TEKT1: variants seen among roughly 807,000 people sequenced by gnomAD.
TEKT1 encodes the protein tektin 1.
A neutral mutation model predicts 34.8 loss-of-function variants in TEKT1; 32 were observed. The ratio of observed to expected loss-of-function variants is 0.92; its 90% confidence interval spans 0.69 to 1.23. The LOEUF (loss-of-function observed/expected upper bound fraction) is 1.23. TEKT1 is among the 50% of genes most tolerant of loss of function. TEKT1 has a pLI of 0.00. For missense variants in TEKT1, 492 were observed against 518.5 expected (o/e 0.95, Z 0.50); for synonymous variants, 207 against 199.8 (o/e 1.04, Z -0.30).
chr17:6,815,857 C>A lies in TEKT1; in HGVS notation c.462G>T (p.Leu154Phe), dbSNP rs1463468087. The A allele has an allele frequency of 1.9e-6, 3 of 1,614,212 alleles. No individual in the cohort carries two copies. The highest frequency in any genetic ancestry group is 2.5e-6 in the Non-Finnish European group (3 of 1,180,036). Residue 154 changes from leucine to phenylalanine, a missense_variant, in exon 4 of 8, where the codon TTG becomes TTT. Leu to Phe is a conservative substitution (Grantham distance 22, BLOSUM62 0). Coordinates refer to ENST00000338694, the MANE Select transcript of TEKT1 (RefSeq NM_053285.2). Reference sequence around the variant, plus strand: ...ACCGAATCTGCTCGGAAGCCTCCTCCAAGGTACGGGTCAGCAGAGCCATAA... The same window carrying A: ...ACCGAATCTGCTCGGAAGCCTCCTCAAAGGTACGGGTCAGCAGAGCCATAA... ...QGIMALLTRTLEEASEQIRMN... is the reference protein window; with the variant it reads ...QGIMALLTRTFEEASEQIRMN...
intron 6 of TEKT1, among the ~76,000 whole-genome samples, chr17:6,806,939 AT>A (rs1399659131): frequency 2.0e-5 from 3 of 152,068 alleles, no homozygotes; most frequent in African/African-American, 7.2e-5. Flanking sequence ...TCTGACAATT[AT>A]GTGTCTTGGA....
intron 6 of TEKT1, among the ~76,000 whole-genome samples, chr17:6,802,623 C>A: frequency 8.6e-6 from 1 of 116,246 alleles, no homozygotes; most frequent in African/African-American, 3.1e-5. Context: ...CTAATGCTAT[C>A]CCTCCCCCCT....
chr17:6,804,885 G>T (rs1368362540), intron 6 of TEKT1, among the ~76,000 whole-genome samples: 1 of 152,072 alleles, frequency 6.6e-6, no homozygotes, highest in Non-Finnish European at 1.5e-5. Flanking sequence ...GAGGATTTTT[G>T]CATCAATGTT....
In TEKT1 at chr17:6,799,977, TA is replaced by T; in HGVS notation, c.*49del. ...CTGAAATGAGAGCTCTGTACTACTGTAACTACTGTTTACAATGTGGTTTAAT... is the reference window on the plus strand; with the variant it reads ...CTGAAATGAGAGCTCTGTACTACTGTACTACTGTTTACAATGTGGTTTAAT... On this transcript the variant is annotated 3_prime_UTR_variant, in exon 8 of 8. Coordinates refer to ENST00000338694, the MANE Select transcript of TEKT1 (RefSeq NM_053285.2). 2 of 1,553,566 alleles carry T rather than the reference TA, an allele frequency of 1.3e-6. No homozygotes were observed. The highest frequency in any genetic ancestry group is 1.7e-6 in the Non-Finnish European group (2 of 1,151,850).
At chr17:6,808,192 G>T (rs572767480) in intron 6 of TEKT1, among the ~76,000 whole-genome samples, 3 of 152,324 alleles carry the variant, frequency 2.0e-5, no homozygotes, top group African/African-American at 7.2e-5. Context: ...CAGCCTGGCT[G>T]CCACCTTGCA....
rs1321343875 is a variant in TEKT1, at chr17:6,815,206, G to C, written c.586C>G (p.Pro196Ala). ...DICFSLNNNS[P>A]NIRYSENAVR... Reference sequence around the variant, plus strand: ...GCGTTCTCAGAATATCTGATGTTTGGTGAGTTGTTGTTGAGCGAGAAGCAG... The same window carrying C: ...GCGTTCTCAGAATATCTGATGTTTGCTGAGTTGTTGTTGAGCGAGAAGCAG... Residue 196 changes from proline (P) to alanine (A), a missense_variant, in exon 5 of 8, where the codon CCA (proline) becomes GCA (alanine). Pro to Ala is a conservative substitution (Grantham distance 27). Coordinates refer to ENST00000338694, the MANE Select transcript of TEKT1 (RefSeq NM_053285.2). 1.2e-6 allele frequency: 2 copies of C among 1,614,072 alleles called. No homozygotes were observed. The highest frequency in any genetic ancestry group is 1.7e-6 in the Non-Finnish European group (2 of 1,180,038).
intron 5 of TEKT1, among the ~76,000 whole-genome samples, chr17:6,813,678 G>A (rs1976959920): frequency 6.6e-6 from 1 of 151,978 alleles, no homozygotes; most frequent in East Asian, 1.9e-4. Context: ...AGGATGGAGG[G>A]AGGGACTATT....
At chr17:6,809,058 C>A (rs1469650900) in intron 6 of TEKT1, among the ~76,000 whole-genome samples, 1 of 152,060 alleles carries the variant, frequency 6.6e-6, no homozygotes, top group African/African-American at 2.4e-5. Context: ...AGTAGAATTC[C>A]CATATGCTTT....
intron 6 of TEKT1, 54 bp from the exon 7 acceptor site, chr17:6,800,997 C>T: frequency 6.7e-7 from 1 of 1,498,382 alleles, no homozygotes; most frequent in Non-Finnish European, 9.1e-7. Context: ...CAAAACTCAA[C>T]AGCTGACAGC....
intron 1 of TEKT1, 85 bp from the exon 2 acceptor site, chr17:6,830,478 C>T (rs534830581): frequency 1.0e-4 from 92 of 916,744 alleles, no homozygotes; most frequent in South Asian, 2.1e-4. Flanking sequence ...GACATATATA[C>T]GGAAAATTGC....
chr17:6,807,799 A>G (rs1976866603), intron 6 of TEKT1, among the ~76,000 whole-genome samples: 1 of 152,154 alleles, frequency 6.6e-6, no homozygotes, highest in Non-Finnish European at 1.5e-5. Flanking sequence ...GGTGAACGGC[A>G]AATGTTGCTG....
chr17:6,830,357 G>A lies in TEKT1; in HGVS notation c.20C>T (p.Pro7Leu), dbSNP rs1904542220. The A allele has an allele frequency of 1.3e-6, 2 of 1,586,442 alleles. No homozygotes were observed. The highest frequency in any genetic ancestry group is 2.0e-5 in the Admixed American group (1 of 50,620). Reference sequence around the variant, plus strand: ...CTCTGAGGGCAGGAACTTGGGTGGAGGTTGTAATAGTTTAGCCATTTGAGG... The same window carrying A: ...CTCTGAGGGCAGGAACTTGGGTGGAAGTTGTAATAGTTTAGCCATTTGAGG... MAKLLQ[P>L]PPKFLPSEWH... Residue 7 changes from proline (P) to leucine (L), a missense_variant, in exon 2 of 8, where the codon CCT (proline) becomes CTT (leucine). Pro to Leu is a moderately conservative substitution (Grantham distance 98, BLOSUM62 -3). Coordinates refer to ENST00000338694, the MANE Select transcript of TEKT1 (RefSeq NM_053285.2).
intron 6 of TEKT1, among the ~76,000 whole-genome samples, chr17:6,806,827 T>C (rs1976851148): frequency 2.0e-5 from 3 of 152,210 alleles, no homozygotes; most frequent in African/African-American, 4.8e-5. Context: ...GAGTTTCTGC[T>C]GAGAGATCAG....
At chr17:6,810,915 T>C (rs1015762601) in intron 6 of TEKT1, among the ~76,000 whole-genome samples, 4 of 152,178 alleles carry the variant, frequency 2.6e-5, no homozygotes, top group African/African-American at 9.7e-5. Context: ...ATTTTTTGTA[T>C]TTTTAGTAGA....
intron 2 of TEKT1, among the ~76,000 whole-genome samples, chr17:6,819,934 T>A (rs1484096475): frequency 6.6e-6 from 1 of 152,176 alleles, no homozygotes; most frequent in Non-Finnish European, 1.5e-5. Context: ...GTGATCCGCC[T>A]GCCTCGGCCT....
At chr17:6,827,719 T>A (rs933605702) in intron 2 of TEKT1, among the ~76,000 whole-genome samples, 6 of 152,182 alleles carry the variant, frequency 3.9e-5, no homozygotes, top group Non-Finnish European at 8.8e-5. Flanking sequence ...GGTTTTCCAA[T>A]CCATTAACTC....
chr17:6,801,129 C>T (rs912501320), intron 6 of TEKT1, among the ~76,000 whole-genome samples, 186 bp from the exon 7 acceptor site: 2 of 152,184 alleles, frequency 1.3e-5, no homozygotes, highest in African/African-American at 4.8e-5. Flanking sequence ...TCACATAAGA[C>T]TTAAAACCTT....
chr17:6,804,502 A>G (rs1334940150), intron 6 of TEKT1, among the ~76,000 whole-genome samples: 3 of 152,240 alleles, frequency 2.0e-5, no homozygotes, highest in East Asian at 3.9e-4. Context: ...ATTATGTTGA[A>G]TAGGAGTGGT....
rs1367097905 is a variant in TEKT1, at chr17:6,829,117, C to CTCTG, written c.190+1066_190+1069dup. On this transcript the variant is annotated intron_variant, in intron 2 of 7. Coordinates refer to ENST00000338694, the MANE Select transcript of TEKT1 (RefSeq NM_053285.2). ...AGTGAGCTGAGATTGTGCCACTGTACTCTGGCCTGTGTGATGGAGCGAGAC... is the reference window on the plus strand; with the variant it reads ...AGTGAGCTGAGATTGTGCCACTGTACTCTGTCTGGCCTGTGTGATGGAGCGAGAC... Among the ~76,000 whole-genome samples the CTCTG allele has an allele frequency of 2.0e-5, 3 of 152,334 alleles. No individual in the cohort carries two copies. In the East Asian group the frequency reaches 5.8e-4, roughly 29 times the overall value.
Sources: allele counts gnomAD v4.1 joint callset (sites outside exome capture counted in the v4.1 genomes callset), GRCh38; gene constraint gnomAD v4.1.1; transcripts MANE v1.5; gene names NCBI Gene and HGNC (gene_info 2026-07-23, HGNC 2026-07-21).